Variants in GLI2 observed in about 807,000 individuals in gnomAD.
GLI2 encodes transcription activator GLI2.
In GLI2, 22 loss-of-function variants were observed where a neutral mutation model predicts 78.9. The observed-to-expected ratio is 0.28, with a 90% confidence interval of 0.20 to 0.40. GLI2 has a LOEUF of 0.40. Ranked by LOEUF, GLI2 falls within the 10% of genes least tolerant of loss-of-function variation. The probability of loss-of-function intolerance (pLI) is 1.00; values close to 1 mark genes in which losing one functional copy is unlikely to be tolerated. For missense variants in GLI2, 2,097 were observed against 2,213.2 expected (o/e 0.95, Z 1.05); for synonymous variants, 974 against 963.7 (o/e 1.01, Z -0.20).
chr2:120,871,966 A>AC (rs1688485074), intron 2 of GLI2, among the ~76,000 whole-genome samples: 1 of 151,880 alleles, frequency 6.6e-6, no homozygotes, highest in Non-Finnish European at 1.5e-5. Flanking sequence ...GCATGGAGGG[A>AC]CCCCCGGGGT....
chr2:120,775,875 G>T (rs1683661542), intron 1 of GLI2, among the ~76,000 whole-genome samples: 2 of 152,188 alleles, frequency 1.3e-5, no homozygotes, highest in African/African-American at 4.8e-5. Flanking sequence ...TGGGCAGGAG[G>T]CATCAGCCAA....
At position 120,797,403 on chromosome 2, in the gene GLI2, C is replaced by A. The variant is rs778954239; in HGVS notation, c.83C>A (p.Pro28Gln). The A allele has an allele frequency of 4.3e-6, 7 of 1,614,002 alleles. No individual in the cohort carries two copies. Among genetic ancestry groups the A allele is most frequent in the Non-Finnish European group, 5.9e-6 (7 of 1,179,922 alleles). The change falls in exon 2 of 14, where the codon CCG becomes CAG. Residue 28 changes from proline (P) to glutamine (Q), a missense_variant. Pro to Gln is a moderately conservative substitution (Grantham distance 76). Around this residue, in one of 5 missense-constraint regions of GLI2, gnomAD observed 578 missense variants for 612.0 expected, o/e 0.94. Coordinates refer to ENST00000361492, the MANE Select transcript of GLI2 (RefSeq NM_001374353.1). ...CTGGAGGCCGCTGGCTTCCCCGACC[C>A]GGGTAAAAAGGCCTCTCCTTTGGTG... is the stretch of plus-strand genomic sequence containing the variant. ...GILEAAGFPD[P>Q]GKKASPLVVA...
intron 2 of GLI2, among the ~76,000 whole-genome samples, chr2:120,866,152 C>A (rs1485524702): frequency 1.3e-5 from 2 of 152,242 alleles, no homozygotes; most frequent in African/African-American, 4.8e-5. Context: ...ACTCTAGAGG[C>A]CTCAGCCTGT....
At chr2:120,878,588 C>T (rs968473402) in intron 2 of GLI2, among the ~76,000 whole-genome samples, 1 of 152,096 alleles carries the variant, frequency 6.6e-6, no homozygotes, top group Non-Finnish European at 1.5e-5. Flanking sequence ...TTTTTTTAAA[C>T]TCATATCCTG....
intron 2 of GLI2, among the ~76,000 whole-genome samples, chr2:120,842,058 CAA>C (rs571517244): frequency 0.13 from 9,693 of 74,392 alleles, 838 homozygotes; most frequent in African/African-American, 0.33. Context: ...TTTGTCAACT[CAA>C]AAAAAAAAAA....
chr2:120,927,808 G>GT (rs1461234863), intron 3 of GLI2, among the ~76,000 whole-genome samples: 25 of 152,330 alleles, frequency 1.6e-4, no homozygotes, highest in African/African-American at 5.8e-4. Flanking sequence ...GTGATCTTAG[G>GT]TATCTGTTGT....
rs1313867219 is a variant in GLI2, at chr2:120,990,032, C to T, written c.4067C>T (p.Pro1356Leu). Residue 1356 changes from proline (P) to leucine (L), a missense_variant, in exon 14 of 14, where the codon CCT (proline) becomes CTT (leucine). Coordinates refer to ENST00000361492, the MANE Select transcript of GLI2 (RefSeq NM_001374353.1). ...TAGFGLVQPR[P>L]PLEPSPTGRH... is the part of the protein sequence containing the mutation. ...GGCTTTGGCCTAGTGCAGCCCCGGC[C>T]TCCCCTCGAGCCCAGCCCCACTGGC... is the stretch of plus-strand genomic sequence containing the variant. The T allele has an allele frequency of 6.2e-7, 1 of 1,605,934 alleles. No homozygotes were observed. The highest frequency in any genetic ancestry group is 8.5e-7 in the Non-Finnish European group (1 of 1,175,906).
At chr2:120,862,515 G>T (rs1407703788) in intron 2 of GLI2, among the ~76,000 whole-genome samples, 1 of 152,158 alleles carries the variant, frequency 6.6e-6, no homozygotes, top group Admixed American at 6.5e-5. Context: ...AGCTGTGCGT[G>T]ACCCCGTCTC....
intron 2 of GLI2, among the ~76,000 whole-genome samples, chr2:120,828,771 T>A (rs763522112): frequency 6.6e-6 from 1 of 152,038 alleles, no homozygotes; most frequent in Non-Finnish European, 1.5e-5. Context: ...AAAGGAATAA[T>A]TTATTTGGTC....
At chr2:120,892,988 T>G (rs1046210563) in intron 2 of GLI2, among the ~76,000 whole-genome samples, 7 of 152,210 alleles carry the variant, frequency 4.6e-5, no homozygotes, top group Admixed American at 3.9e-4. Context: ...TCAGGAAGGA[T>G]AGACCACCGC....
chr2:120,934,102 G>C (rs180700787), intron 3 of GLI2, among the ~76,000 whole-genome samples: 1 of 152,180 alleles, frequency 6.6e-6, no homozygotes, highest in Admixed American at 6.5e-5. Flanking sequence ...GCGCCCATAG[G>C]CCAGAGTTTG....
At chr2:120,804,015 T>C (rs1684823680) in intron 2 of GLI2, among the ~76,000 whole-genome samples, 1 of 152,168 alleles carries the variant, frequency 6.6e-6, no homozygotes, top group African/African-American at 2.4e-5. Context: ...GCGTGTGTGC[T>C]ACCTACTCAT....
chr2:120,745,446 A>C (rs1483477297), intron 1 of GLI2, among the ~76,000 whole-genome samples: 5 of 152,208 alleles, frequency 3.3e-5, no homozygotes, highest in African/African-American at 7.2e-5. Context: ...AATAGGGGTG[A>C]AGTTGCAGAA....
At chr2:120,856,991 G>T (rs1450592630) in intron 2 of GLI2, among the ~76,000 whole-genome samples, 8 of 152,148 alleles carry the variant, frequency 5.3e-5, no homozygotes, top group South Asian at 2.1e-4. Flanking sequence ...GTGGGCCGGG[G>T]CTTATGGAAG....
intron 2 of GLI2, among the ~76,000 whole-genome samples, chr2:120,874,161 C>A (rs1159157191): frequency 6.6e-6 from 1 of 152,174 alleles, no homozygotes; most frequent in African/African-American, 2.4e-5. Context: ...TTCAGAACCA[C>A]CCCTCCCAGC....
chr2:120,976,967 T>C (rs1213321532), intron 9 of GLI2, among the ~76,000 whole-genome samples: 7 of 152,244 alleles, frequency 4.6e-5, no homozygotes, highest in African/African-American at 1.4e-4. Context: ...TCAGGAAGCA[T>C]TTTTATCATT....
chr2:120,946,006 C>G (rs75760359), intron 3 of GLI2, among the ~76,000 whole-genome samples: 3,332 of 134,524 alleles, frequency 0.025, 131 homozygotes, highest in African/African-American at 0.083. Context: ...TGTGCTCCAG[C>G]CTTTCTTTGC....
chr2:120,980,179 G>A (rs921669300), intron 10 of GLI2, among the ~76,000 whole-genome samples: 21 of 152,194 alleles, frequency 1.4e-4, no homozygotes, highest in African/African-American at 4.8e-4. Context: ...TGGAATTGGT[G>A]AGTCGTATGG....
chr2:120,927,718 G>A (rs1472022958), intron 3 of GLI2, among the ~76,000 whole-genome samples: 2 of 152,222 alleles, frequency 1.3e-5, no homozygotes, highest in Non-Finnish European at 2.9e-5. Context: ...CTTCCTTGGT[G>A]TATCTATACA....
Sources: gnomAD v4.1 joint callset for allele counts (sites outside exome capture counted in the v4.1 genomes callset) on GRCh38, gnomAD v4.1.1 for gene constraint, gnomAD v4.1.1 regional missense constraint, MANE v1.5 for transcripts, NCBI Gene and HGNC (gene_info 2026-07-23, HGNC 2026-07-21) for gene names.